Variants in DOCK1 observed in about 807,000 individuals in gnomAD.
DOCK1 encodes dedicator of cytokinesis 1, also known as dedicator of cytokinesis protein 1.
In DOCK1, 138 loss-of-function variants were observed where a neutral mutation model predicts 262.7. The observed-to-expected ratio is 0.53, with a 90% CI of 0.46 to 0.61. DOCK1 has a LOEUF of 0.61. Among genes scored for constraint, DOCK1 ranks in the 20% least tolerant of loss-of-function variants. DOCK1 has a pLI of 0.00. For missense variants in DOCK1, 1,908 were observed against 2,370.7 expected (o/e 0.80, Z 4.05); for synonymous variants, 866 against 867.4 (o/e 1.00, Z 0.03).
At chr10:126,919,463 G>A (rs534842308) in intron 1 of DOCK1, among the ~76,000 whole-genome samples, 2 of 152,200 alleles carry the variant, frequency 1.3e-5, no homozygotes, top group South Asian at 4.2e-4. Flanking sequence ...GTTCCTCCAG[G>A]CACCGTGGCC....
At chr10:127,364,159 C>T (rs939552093) in intron 33 of DOCK1, among the ~76,000 whole-genome samples, 5 of 152,126 alleles carry the variant, frequency 3.3e-5, no homozygotes, top group African/African-American at 4.8e-5. Context: ...ACGCTGCATA[C>T]AAACCTGGGC....
At chr10:126,990,725 G>A in intron 6 of DOCK1, 122 bp downstream of exon 6, 1 of 1,236,748 alleles carries the variant, frequency 8.1e-7, no homozygotes, top group Non-Finnish European at 1.1e-6. Context: ...TCAAAGTAAT[G>A]GCATGTTTTT....
intron 29 of DOCK1, among the ~76,000 whole-genome samples, chr10:127,315,163 C>T (rs1004581309): frequency 1.3e-5 from 2 of 152,110 alleles, no homozygotes; most frequent in South Asian, 2.1e-4. Flanking sequence ...CCCCCTCCTC[C>T]GTGAGAGTGG....
chr10:127,106,330 T>A, intron 24 of DOCK1, 29 bp downstream of exon 24: 1 of 1,575,446 alleles, frequency 6.3e-7, no homozygotes, highest in Non-Finnish European at 8.6e-7. Flanking sequence ...CGAATGCTTG[T>A]CACGTGCCGT....
At chr10:127,112,073 A>G (rs952970489) in intron 25 of DOCK1, among the ~76,000 whole-genome samples, 1 of 151,210 alleles carries the variant, frequency 6.6e-6, no homozygotes, top group African/African-American at 2.4e-5. Context: ...GTGCAATGGC[A>G]CAATCTCAGC....
chr10:127,346,228 G>A lies in DOCK1; in HGVS notation c.3224+2482G>A, dbSNP rs908249512. On this transcript the variant is annotated intron_variant, in intron 31 of 51. Transcript: ENST00000623213. ...AGTGGTGGGGCCGAGCACCCCGCAA[G>A]CCCCAGCAGGGCAGCTGTGTGCTGG... is the stretch of plus-strand genomic sequence containing the variant. Among the ~76,000 whole-genome samples the A allele has an allele frequency of 1.3e-5, 2 of 152,220 alleles. 1 individual carries two copies. Among genetic ancestry groups the A allele is most frequent in the South Asian group, 4.1e-4 (2 of 4,834 alleles).
intron 24 of DOCK1, among the ~76,000 whole-genome samples, chr10:127,110,018 A>G (rs1463112915): frequency 1.3e-5 from 2 of 151,986 alleles, no homozygotes; most frequent in Non-Finnish European, 2.9e-5. Flanking sequence ...AACACTTGTT[A>G]TTGTCTGTCT....
chr10:127,410,920 T>A lies in DOCK1; in HGVS notation c.4424T>A (p.Phe1475Tyr). 1 of 1,612,926 alleles carries A rather than the reference T, an allele frequency of 6.2e-7. No individual in the cohort carries two copies. The highest frequency in any genetic ancestry group is 8.5e-7 in the Non-Finnish European group (1 of 1,179,596). ...RKGEKNPDNE[F>Y]ANMWIERTIY... ...GGAGAGAAAAACCCAGACAATGAAT[T>A]TGCGGTAAAAAACAAACAAACCACC... The change falls in exon 43 of 52, where the codon TTT becomes TAT. Residue 1475 changes from phenylalanine to tyrosine, a missense_variant. Transcript: ENST00000623213.
chr10:126,938,340 G>A (rs934994588), intron 1 of DOCK1, among the ~76,000 whole-genome samples: 6 of 152,172 alleles, frequency 3.9e-5, no homozygotes, highest in African/African-American at 9.7e-5. Flanking sequence ...GAGCCACTGC[G>A]CCCGGCCTGG....
chr10:127,254,183 A>G (rs935781684), intron 28 of DOCK1, among the ~76,000 whole-genome samples: 1 of 152,166 alleles, frequency 6.6e-6, no homozygotes, highest in South Asian at 2.1e-4. Context: ...ATTGCATTTG[A>G]TGATTGTGTC....
At chr10:127,385,946 A>G (rs1374273353) in intron 38 of DOCK1, among the ~76,000 whole-genome samples, 1 of 152,164 alleles carries the variant, frequency 6.6e-6, no homozygotes, top group Non-Finnish European at 1.5e-5. Flanking sequence ...CCTTGATTAC[A>G]TCCAAATACC....
chr10:127,220,908 C>T (rs2058410509), intron 27 of DOCK1, among the ~76,000 whole-genome samples: 1 of 152,126 alleles, frequency 6.6e-6, no homozygotes, highest in African/African-American at 2.4e-5. Context: ...GCAGAGCTCT[C>T]CTCTCTCTAT....
At chr10:127,137,928 G>T (rs1316880178) in intron 27 of DOCK1, 9 of 1,614,040 alleles carry the variant, frequency 5.6e-6, no homozygotes, top group Non-Finnish European at 7.6e-6. Flanking sequence ...CTGAGAGTAA[G>T]GCGAAGGTAT....
chr10:127,206,175 A>G (rs1380058448), intron 27 of DOCK1, among the ~76,000 whole-genome samples: 1 of 109,198 alleles, frequency 9.2e-6, no homozygotes, highest in Non-Finnish European at 1.7e-5. Flanking sequence ...ACAGAGTCTC[A>G]CTCTGTTGCC....
At chr10:127,305,011 A>T (rs1194758742) in intron 29 of DOCK1, among the ~76,000 whole-genome samples, 1 of 152,164 alleles carries the variant, frequency 6.6e-6, no homozygotes, top group East Asian at 1.9e-4. Flanking sequence ...GGTTCCACTG[A>T]TGAGCTTCTA....
chr10:126,996,960 C>A, intron 7 of DOCK1, 77 bp downstream of exon 7: 2 of 1,432,492 alleles, frequency 1.4e-6, no homozygotes, highest in Non-Finnish European at 1.8e-6. Context: ...ATCAGTCAAG[C>A]CCAAAATTGT....
intron 7 of DOCK1, among the ~76,000 whole-genome samples, chr10:126,997,285 A>T (rs1215657067): frequency 6.6e-6 from 1 of 152,168 alleles, no homozygotes; most frequent in Admixed American, 6.5e-5. Flanking sequence ...TCATGTATGC[A>T]TTAGCCTGTT....
chr10:126,986,927 C>T (rs765894304), intron 4 of DOCK1, among the ~76,000 whole-genome samples: 17 of 151,996 alleles, frequency 1.1e-4, no homozygotes, highest in Non-Finnish European at 2.2e-4. Context: ...AAGAGTAAGT[C>T]AAAGGTTAAA....
At chr10:127,066,742 A>G (rs1276884071) in intron 23 of DOCK1, among the ~76,000 whole-genome samples, 1 of 152,232 alleles carries the variant, frequency 6.6e-6, no homozygotes, top group East Asian at 1.9e-4. Context: ...CTGCTGTTCA[A>G]CGTGCTTTGT....
Sources: gnomAD v4.1 joint callset for allele counts (sites outside exome capture counted in the v4.1 genomes callset) on GRCh38, gnomAD v4.1.1 for gene constraint, MANE v1.5 for transcripts, NCBI Gene and HGNC (gene_info 2026-07-23, HGNC 2026-07-21) for gene names.